The following PPP1R3A variants were observed in gnomAD, a reference collection of about 807,000 sequenced individuals.
PPP1R3A encodes RG1.
A neutral mutation model predicts 41.7 loss-of-function variants in PPP1R3A; 29 were observed. That is an observed-to-expected ratio of 0.70 (90% CI 0.52 to 0.95). The LOEUF is 0.95. Among genes scored for constraint, PPP1R3A ranks in the 40% least tolerant of loss-of-function variants. The probability of loss-of-function intolerance (pLI) is 0.00; values close to 1 mark genes in which losing one functional copy is unlikely to be tolerated. For synonymous variants in PPP1R3A, 485 were observed against 453.4 expected (o/e 1.07, Z -0.89); for missense variants, 1,352 against 1,292.4 (o/e 1.05, Z -0.71).
chr7:113,900,127 A>G (rs991853583), intron 1 of PPP1R3A, among the ~76,000 whole-genome samples: 8 of 151,652 alleles, frequency 5.3e-5, no homozygotes, highest in African/African-American at 1.9e-4. Flanking sequence ...AATTATTTCT[A>G]TGTTAACAAC....
At chr7:113,907,213 T>C (rs1004882327) in intron 1 of PPP1R3A, among the ~76,000 whole-genome samples, 8 of 151,768 alleles carry the variant, frequency 5.3e-5, no homozygotes, top group African/African-American at 1.9e-4. Flanking sequence ...CTACTGCTCA[T>C]GAGTAGCATC....
intron 1 of PPP1R3A, among the ~76,000 whole-genome samples, chr7:113,917,037 A>G (rs928460589): frequency 1.3e-5 from 2 of 152,068 alleles, no homozygotes; most frequent in African/African-American, 2.4e-5. Flanking sequence ...AATACATTGG[A>G]ACAATGCATT....
intron 1 of PPP1R3A, among the ~76,000 whole-genome samples, chr7:113,882,903 G>A (rs937619782): frequency 3.3e-5 from 5 of 151,986 alleles, no homozygotes; most frequent in Non-Finnish European, 5.9e-5. Context: ...TTTATACTCA[G>A]TTAAAAGACT....
rs747001423 is a variant in PPP1R3A, at chr7:113,879,400, A to T, written c.1692T>A (p.Thr564=). ...GIGASNRDLA[T]LLSEHTAIPT... The stretch of plus-strand genomic sequence containing the variant: ...GGATTGCGGTATGTTCGCTCAGCAG[A>T]GTAGCCAGGTCTCTGTTACTAGCTC... Residue 564 remains threonine, a synonymous_variant, in exon 4 of 4, where the codon ACT becomes ACA. Coordinates refer to ENST00000284601, the MANE Select transcript of PPP1R3A (RefSeq NM_002711.4). 3.1e-6 allele frequency: 5 copies of T among 1,613,594 alleles called. No homozygotes were observed. In the South Asian group the frequency reaches 5.5e-5, roughly 18 times the overall value.
intron 1 of PPP1R3A, among the ~76,000 whole-genome samples, chr7:113,901,303 C>T (rs1285559246): frequency 6.6e-6 from 1 of 151,704 alleles, no homozygotes; most frequent in Non-Finnish European, 1.5e-5. Context: ...ATTTTCCAAA[C>T]ATAGACACCA....
At chr7:113,890,230 T>C (rs1394009510) in intron 1 of PPP1R3A, among the ~76,000 whole-genome samples, 1 of 152,144 alleles carries the variant, frequency 6.6e-6, no homozygotes, top group Non-Finnish European at 1.5e-5. Context: ...TCTCAAAATG[T>C]GGTTCACAGA....
chr7:113,903,502 T>A (rs1006171757), intron 1 of PPP1R3A, among the ~76,000 whole-genome samples: 2 of 151,704 alleles, frequency 1.3e-5, no homozygotes, highest in Non-Finnish European at 3.0e-5. Context: ...ATATGCCCTG[T>A]AAGTATCATG....
Position 113,879,694 on chromosome 7 carries a change from A to T in PPP1R3A, c.1398T>A (p.Leu466=), listed in dbSNP as rs560667995. The T allele has an allele frequency of 6.2e-7, 1 of 1,612,912 alleles. No individual in the cohort carries two copies. Among genetic ancestry groups the T allele is most frequent in the Non-Finnish European group, 8.5e-7 (1 of 1,179,576 alleles). ...TAGCTCCTCCTTCATGTTTTTTATTAAGGTTTCCTGCCATTAGTTGATCTG... is the reference window on the plus strand; with the variant it reads ...TAGCTCCTCCTTCATGTTTTTTATTTAGGTTTCCTGCCATTAGTTGATCTG... ...PSSDQLMAGN[L]NKKHEGGAKN... Residue 466 remains leucine (L), a synonymous_variant, in exon 4 of 4, where the codon CTT becomes CTA. Transcript: ENST00000284601.
intron 1 of PPP1R3A, among the ~76,000 whole-genome samples, chr7:113,914,208 A>C (rs1272659938): frequency 6.6e-6 from 1 of 152,140 alleles, no homozygotes; most frequent in Non-Finnish European, 1.5e-5. Context: ...ATATAAACTT[A>C]TTTTAATCAA....
intron 3 of PPP1R3A, among the ~76,000 whole-genome samples, chr7:113,881,125 A>T (rs1796686202): frequency 6.6e-6 from 1 of 152,068 alleles, no homozygotes; most frequent in Non-Finnish European, 1.5e-5. Flanking sequence ...GAGAATTCTC[A>T]CAATGGGTGA....
intron 1 of PPP1R3A, among the ~76,000 whole-genome samples, chr7:113,895,627 A>G (rs989490868): frequency 1.3e-5 from 2 of 151,934 alleles, no homozygotes; most frequent in Non-Finnish European, 2.9e-5. Context: ...GTTGGAATTT[A>G]TATCTATTTT....
In PPP1R3A at chr7:113,877,788, C is replaced by G; in HGVS notation, c.3304G>C (p.Val1102Leu). 1 of 1,603,458 alleles carries G rather than the reference C, an allele frequency of 6.2e-7. No homozygotes were observed. The highest frequency in any genetic ancestry group is 1.1e-5 in the South Asian group (1 of 89,708). Residue 1102 changes from valine to leucine, a missense_variant, in exon 4 of 4, where the codon GTT becomes CTT. Transcript: ENST00000284601. ...YDLMIGLTFY[V>L]LSLSWLSWEE... ...CAGGATAGCCAGGACAATGACAAAACGTAGAATGTCAAGCCAATCATTAAG... is the reference window on the plus strand; with the variant it reads ...CAGGATAGCCAGGACAATGACAAAAGGTAGAATGTCAAGCCAATCATTAAG...
intron 3 of PPP1R3A, 98 bp downstream of exon 3, chr7:113,881,941 A>C (rs1314249372): frequency 2.8e-6 from 4 of 1,443,754 alleles, no homozygotes; most frequent in Admixed American, 3.4e-5. Context: ...ACATTTGCAA[A>C]TTATATTAGT....
At position 113,877,013 on chromosome 7, in the gene PPP1R3A, G is replaced by A. The variant is rs555456546; in HGVS notation, c.*710C>T. 4 of 151,984 alleles carry A rather than the reference G, an allele frequency of 2.6e-5. No homozygotes were observed. Among genetic ancestry groups the A allele is most frequent in the African/African-American group, 9.6e-5 (4 of 41,508 alleles). 9.4% of individuals were successfully genotyped at this position (151,984 alleles called of 1,614,324 possible). A position where few individuals can be genotyped will look rare whatever the true frequency, so the allele number is the denominator to read the frequency against. On this transcript the variant is annotated 3_prime_UTR_variant, in exon 4 of 4. Transcript: ENST00000284601. ...AAGAGAAAAGCATTGCTTAAAGACA[G>A]GCCACCCACAGAATTTTTCAGAATT...
At chr7:113,909,460 A>G (rs1484005922) in intron 1 of PPP1R3A, among the ~76,000 whole-genome samples, 2 of 149,990 alleles carry the variant, frequency 1.3e-5, no homozygotes, top group Non-Finnish European at 1.5e-5. Context: ...GAGAATTCAA[A>G]CAAAGAAGGC....
chr7:113,917,019 A>G (rs1265247201), intron 1 of PPP1R3A, among the ~76,000 whole-genome samples: 1 of 152,034 alleles, frequency 6.6e-6, no homozygotes, highest in African/African-American at 2.4e-5. Flanking sequence ...TACTGCATTT[A>G]GTTTATTAAT....
At chr7:113,891,001 G>C (rs571890674) in intron 1 of PPP1R3A, among the ~76,000 whole-genome samples, 1 of 142,954 alleles carries the variant, frequency 7.0e-6, no homozygotes, top group South Asian at 2.2e-4. Flanking sequence ...CCAACTAGTG[G>C]CAAATCCATA....
intron 1 of PPP1R3A, among the ~76,000 whole-genome samples, chr7:113,886,919 C>T (rs951002090): frequency 6.6e-6 from 1 of 152,026 alleles, no homozygotes; most frequent in Admixed American, 6.6e-5. Context: ...TTATGTTCCT[C>T]GAGTACTTTT....
Position 113,904,118 on chromosome 7 carries a change from A to G in PPP1R3A, c.782+14097T>C, listed in dbSNP as rs1049980986. The stretch of plus-strand genomic sequence containing the variant: ...TAGCTAACTTCTCATGTGTACAAAT[A>G]TTATCACTAAACCAAATCTTTGCTT... On this transcript the variant is annotated intron_variant, in intron 1 of 3. Coordinates refer to ENST00000284601, the MANE Select transcript of PPP1R3A (RefSeq NM_002711.4). 2.6e-5 allele frequency among the ~76,000 whole-genome samples: 4 copies of G among 151,860 alleles called. No individual in the cohort carries two copies. In the East Asian group the frequency reaches 7.8e-4, roughly 30 times the overall value.
Sources: gnomAD v4.1 joint callset for allele counts (sites outside exome capture counted in the v4.1 genomes callset) on GRCh38, gnomAD v4.1.1 for gene constraint, MANE v1.5 for transcripts, NCBI Gene and HGNC (gene_info 2026-07-23, HGNC 2026-07-21) for gene names.